The following SPIRE1 variants were observed in gnomAD, a reference collection of about 807,000 sequenced individuals.
SPIRE1 encodes the protein protein spire homolog 1.
In SPIRE1, 40 loss-of-function variants were observed where a neutral mutation model predicts 94.1. The ratio of observed to expected loss-of-function variants is 0.43; its 90% confidence interval spans 0.33 to 0.55. SPIRE1 has a LOEUF of 0.55. SPIRE1 is among the 20% of genes least tolerant of loss of function. SPIRE1 has a pLI of 0.06. For missense variants in SPIRE1, 838 were observed against 975.2 expected (o/e 0.86, Z 1.87); for synonymous variants, 376 against 371.7 (o/e 1.01, Z -0.13).
intron 5 of SPIRE1, among the ~76,000 whole-genome samples, chr18:12,511,464 C>T (rs1194007164): frequency 6.6e-6 from 1 of 152,150 alleles, no homozygotes; most frequent in African/African-American, 2.4e-5. Flanking sequence ...ATCTTGAAAC[C>T]ACCCCTCCAC....
chr18:12,511,650 G>C (rs1325632968), intron 5 of SPIRE1, among the ~76,000 whole-genome samples: 1 of 152,176 alleles, frequency 6.6e-6, no homozygotes, highest in African/African-American at 2.4e-5. Flanking sequence ...ATGGGGAATA[G>C]ATATTTCCTC....
At chr18:12,585,239 A>G (rs980298543) in intron 2 of SPIRE1, among the ~76,000 whole-genome samples, 2 of 152,250 alleles carry the variant, frequency 1.3e-5, no homozygotes, top group African/African-American at 4.8e-5. Context: ...TGTTTGTGTG[A>G]CATACAGAAT....
chr18:12,463,522 T>C, intron 11 of SPIRE1, 29 bp from the exon 12 acceptor site: 4 of 1,577,712 alleles, frequency 2.5e-6, no homozygotes, highest in Non-Finnish European at 2.6e-6. Flanking sequence ...GAAATAAAAC[T>C]TACTGTGAAT....
At chr18:12,563,399 T>C (rs781229650) in intron 2 of SPIRE1, among the ~76,000 whole-genome samples, 3 of 152,108 alleles carry the variant, frequency 2.0e-5, no homozygotes, top group Non-Finnish European at 4.4e-5. Context: ...ATAATGTACA[T>C]CAGCCTAGAA....
At chr18:12,606,548 T>TC (rs2036982687) in intron 2 of SPIRE1, among the ~76,000 whole-genome samples, 1 of 149,734 alleles carries the variant, frequency 6.7e-6, no homozygotes, top group Admixed American at 6.7e-5. Context: ...TTTTTTTTTT[T>TC]GAGACAGGGT....
At chr18:12,487,098 A>C (rs1041007625) in intron 8 of SPIRE1, among the ~76,000 whole-genome samples, 5 of 152,272 alleles carry the variant, frequency 3.3e-5, no homozygotes, top group Non-Finnish European at 5.9e-5. Flanking sequence ...GGTAATCTAC[A>C]TGCCTCGGCC....
chr18:12,500,019 C>T (rs1269189996), intron 6 of SPIRE1, among the ~76,000 whole-genome samples: 1 of 152,126 alleles, frequency 6.6e-6, no homozygotes, highest in Non-Finnish European at 1.5e-5. Context: ...AGTGAGCTAA[C>T]TCAGAAACAG....
At chr18:12,561,961 T>C (rs758939251) in intron 2 of SPIRE1, among the ~76,000 whole-genome samples, 2 of 152,358 alleles carry the variant, frequency 1.3e-5, no homozygotes, top group African/African-American at 4.8e-5. Context: ...AAGTAAGGGC[T>C]GTACAATAGT....
At chr18:12,541,958 T>C (rs1027904171) in intron 3 of SPIRE1, among the ~76,000 whole-genome samples, 4 of 151,316 alleles carry the variant, frequency 2.6e-5, no homozygotes, top group African/African-American at 9.7e-5. Context: ...TTATAGCCAA[T>C]ACAAAAATTA....
intron 12 of SPIRE1, among the ~76,000 whole-genome samples, chr18:12,457,680 A>C (rs12971000): frequency 0.12 from 16,125 of 139,880 alleles, 1,235 homozygotes; most frequent in Middle Eastern, 0.22. Flanking sequence ...ACTTCTATGC[A>C]TGTCACTAAA....
At chr18:12,590,259 T>C (rs951924431) in intron 2 of SPIRE1, among the ~76,000 whole-genome samples, 2 of 152,142 alleles carry the variant, frequency 1.3e-5, no homozygotes, top group African/African-American at 4.8e-5. Context: ...GGCTCATTTT[T>C]TTGTATTTTT....
chr18:12,649,222 G>A (rs1010933930), intron 1 of SPIRE1, among the ~76,000 whole-genome samples: 14 of 151,944 alleles, frequency 9.2e-5, no homozygotes, highest in Admixed American at 2.0e-4. Context: ...GAGCAGTCTG[G>A]GCAACATTTT....
intron 2 of SPIRE1, among the ~76,000 whole-genome samples, chr18:12,548,663 G>C (rs2035243983): frequency 6.7e-6 from 1 of 150,362 alleles, no homozygotes; most frequent in African/African-American, 2.4e-5. Flanking sequence ...CCGGGCTGGA[G>C]TGCAGTGGTA....
intron 2 of SPIRE1, among the ~76,000 whole-genome samples, chr18:12,580,805 T>C (rs1160088098): frequency 6.6e-6 from 1 of 152,064 alleles, no homozygotes; most frequent in Non-Finnish European, 1.5e-5. Flanking sequence ...ATTCCAACAC[T>C]TGGGAGGCGG....
chr18:12,530,203 A>G (rs2034644709), intron 4 of SPIRE1, among the ~76,000 whole-genome samples: 1 of 152,220 alleles, frequency 6.6e-6, no homozygotes, highest in Non-Finnish European at 1.5e-5. Context: ...TCTACCAGGA[A>G]TGCACTTACT....
chr18:12,637,040 C>A (rs1359839450), intron 1 of SPIRE1, among the ~76,000 whole-genome samples: 1 of 152,154 alleles, frequency 6.6e-6, no homozygotes, highest in Non-Finnish European at 1.5e-5. Flanking sequence ...CTCAGGCAAA[C>A]TGTAACAGAG....
chr18:12,458,354 G>C (rs1284668451), intron 12 of SPIRE1, among the ~76,000 whole-genome samples: 2 of 151,690 alleles, frequency 1.3e-5, no homozygotes, highest in African/African-American at 2.4e-5. Flanking sequence ...GCTCACGCCT[G>C]TAATCCCAGC....
chr18:12,488,203 A>T (rs542380958), intron 8 of SPIRE1, among the ~76,000 whole-genome samples: 2 of 152,184 alleles, frequency 1.3e-5, no homozygotes, highest in Non-Finnish European at 2.9e-5. Context: ...AATCCTCTTC[A>T]TATAAAGAGG....
At chr18:12,584,684 A>G (rs1013038730) in intron 2 of SPIRE1, among the ~76,000 whole-genome samples, 1 of 152,110 alleles carries the variant, frequency 6.6e-6, no homozygotes, top group Non-Finnish European at 1.5e-5. Context: ...AGTGCTAGCT[A>G]CTTGGTGGCT....
Sources: allele counts gnomAD v4.1 joint callset (sites outside exome capture counted in the v4.1 genomes callset), GRCh38; gene constraint gnomAD v4.1.1; transcripts MANE v1.5; gene names NCBI Gene and HGNC (gene_info 2026-07-23, HGNC 2026-07-21).